Variants in PTPRM observed in about 807,000 individuals in gnomAD.
PTPRM encodes receptor-type tyrosine-protein phosphatase mu.
A neutral mutation model predicts 186.7 loss-of-function variants in PTPRM; 47 were observed. That is an observed-to-expected ratio of 0.25 (90% confidence interval 0.20 to 0.32). The LOEUF (loss-of-function observed/expected upper bound fraction) is 0.32. PTPRM is among the 10% of genes least tolerant of loss of function. The pLI, the probability that PTPRM is intolerant of heterozygous loss-of-function variation, is 1.00. For missense variants in PTPRM, 1,494 were observed against 1,865.0 expected (o/e 0.80, Z 3.66); for synonymous variants, 668 against 674.9 (o/e 0.99, Z 0.16).
At chr18:8,240,820 GAGAGAGAA>G (rs1339921071) in intron 14 of PTPRM, among the ~76,000 whole-genome samples, 582 of 25,432 alleles carry the variant, frequency 0.023, 12 homozygotes, top group Non-Finnish European at 0.031. Context: ...GAGAGAGAGA[GAGAGAGAA>G]AGAAAGAAAG....
intron 11 of PTPRM, among the ~76,000 whole-genome samples, chr18:8,096,390 G>A (rs1334521618): frequency 6.6e-6 from 1 of 152,204 alleles, no homozygotes; most frequent in Non-Finnish European, 1.5e-5. Flanking sequence ...TTGCACATTC[G>A]TGGAGGCGAG....
intron 7 of PTPRM, among the ~76,000 whole-genome samples, chr18:7,981,451 A>G (rs2082545882): frequency 6.6e-6 from 1 of 152,166 alleles, no homozygotes; most frequent in Non-Finnish European, 1.5e-5. Context: ...AATGATCATT[A>G]TCTTTTCCTC....
At chr18:8,348,523 C>T (rs2095517855) in intron 23 of PTPRM, among the ~76,000 whole-genome samples, 1 of 152,248 alleles carries the variant, frequency 6.6e-6, no homozygotes, top group Admixed American at 6.5e-5. Flanking sequence ...GCACACCTGG[C>T]ATTGAAATGG....
chr18:8,292,545 G>A (rs2095053528), intron 19 of PTPRM, among the ~76,000 whole-genome samples: 1 of 152,210 alleles, frequency 6.6e-6, no homozygotes, highest in Admixed American at 6.5e-5. Context: ...TCAGGAGACA[G>A]TGACATTTAT....
chr18:8,274,376 C>T (rs2094809136), intron 19 of PTPRM, among the ~76,000 whole-genome samples: 1 of 152,086 alleles, frequency 6.6e-6, no homozygotes, highest in Non-Finnish European at 1.5e-5. Context: ...AATTTTAATG[C>T]TTTTTTAAAA....
Position 7,905,624 on chromosome 18 carries a change from C to A in PTPRM, c.469-881C>A, listed in dbSNP as rs573719058. ...TTTGTGGCGGTAGGTCCCAATTCTC[C>A]CCTTGAAGGCCATGGTCATGACCAC... On this transcript the variant is annotated intron_variant, in intron 3 of 32. Transcript: ENST00000580170. 5.3e-5 allele frequency among the ~76,000 whole-genome samples: 8 copies of A among 152,226 alleles called. No individual in the cohort carries two copies. In the East Asian group the frequency reaches 1.2e-3, roughly 22 times the overall value.
In PTPRM at chr18:8,070,012, A is replaced by G. The variant is rs775465760; in HGVS notation, c.1441+18A>G. The G allele has an allele frequency of 6.3e-7, 1 of 1,592,568 alleles. No homozygotes were observed. Among genetic ancestry groups the G allele is most frequent in the Non-Finnish European group, 8.6e-7 (1 of 1,166,104 alleles). ...TGAAGACCGTGAGTACCTTTGAATGATATGTTTGTGTAAAACATGTTCTTT... is the reference window on the plus strand; with the variant it reads ...TGAAGACCGTGAGTACCTTTGAATGGTATGTTTGTGTAAAACATGTTCTTT... On this transcript the variant is annotated intron_variant, in intron 8 of 32. Coordinates refer to ENST00000580170, the MANE Select transcript of PTPRM (RefSeq NM_001105244.2).
chr18:8,307,583 C>A (rs538517348), intron 20 of PTPRM, among the ~76,000 whole-genome samples: 1 of 152,282 alleles, frequency 6.6e-6, no homozygotes, highest in Admixed American at 6.5e-5. Context: ...GCAGGCAGAT[C>A]ACCTGAGGAA....
At chr18:8,275,628 T>G (rs1436838453) in intron 19 of PTPRM, among the ~76,000 whole-genome samples, 2 of 152,216 alleles carry the variant, frequency 1.3e-5, no homozygotes, top group Non-Finnish European at 2.9e-5. Flanking sequence ...TATAGGAAAC[T>G]GCGGTTTGCT....
chr18:8,288,895 C>T (rs1379222262), intron 19 of PTPRM, among the ~76,000 whole-genome samples: 2 of 152,150 alleles, frequency 1.3e-5, no homozygotes, highest in African/African-American at 4.8e-5. Flanking sequence ...CAGGAAGCAT[C>T]GCTGTGCAGG....
intron 19 of PTPRM, among the ~76,000 whole-genome samples, chr18:8,254,333 GAATT>G (rs994109509): frequency 6.6e-6 from 1 of 152,218 alleles, no homozygotes; most frequent in Non-Finnish European, 1.5e-5. Context: ...GAATTGAAGA[GAATT>G]AATTGATTGA....
At chr18:8,341,549 G>A (rs970959177) in intron 22 of PTPRM, among the ~76,000 whole-genome samples, 3 of 152,220 alleles carry the variant, frequency 2.0e-5, no homozygotes, top group African/African-American at 7.2e-5. Context: ...GACAAGGGAA[G>A]TGGCTTTGCT....
chr18:7,819,666 C>T (rs191382380), intron 2 of PTPRM, among the ~76,000 whole-genome samples: 59 of 152,334 alleles, frequency 3.9e-4, no homozygotes, highest in African/African-American at 1.2e-3. Flanking sequence ...TCTGTCCTTG[C>T]AGTAAGGCAG....
chr18:7,796,004 T>G (rs1190822338), intron 2 of PTPRM, among the ~76,000 whole-genome samples: 1 of 151,928 alleles, frequency 6.6e-6, no homozygotes, highest in Non-Finnish European at 1.5e-5. Flanking sequence ...GAGACAGAGT[T>G]TCACTATTTT....
At chr18:7,823,505 AG>A (rs1226851174) in intron 2 of PTPRM, among the ~76,000 whole-genome samples, 6 of 152,234 alleles carry the variant, frequency 3.9e-5, no homozygotes, top group Non-Finnish European at 7.4e-5. Context: ...GTGCTGCCAA[AG>A]GAGATTAACA....
At chr18:8,169,609 A>G (rs776916472) in intron 14 of PTPRM, among the ~76,000 whole-genome samples, 2 of 152,180 alleles carry the variant, frequency 1.3e-5, no homozygotes, top group Non-Finnish European at 2.9e-5. Flanking sequence ...CTATTATGAG[A>G]TTCCGTATAA....
intron 14 of PTPRM, among the ~76,000 whole-genome samples, chr18:8,171,834 C>T (rs2093405524): frequency 6.6e-6 from 1 of 152,096 alleles, no homozygotes; most frequent in African/African-American, 2.4e-5. Context: ...CATAGGTTAG[C>T]CTAGCCTCCC....
At chr18:8,162,194 G>T (rs181606188) in intron 14 of PTPRM, among the ~76,000 whole-genome samples, 3 of 151,682 alleles carry the variant, frequency 2.0e-5, no homozygotes, top group Admixed American at 2.0e-4. Flanking sequence ...CTGCCTCCTG[G>T]GTTCAAGCAA....
At chr18:7,906,773 T>G (rs17474862) in intron 4 of PTPRM, among the ~76,000 whole-genome samples, 190 bp downstream of exon 4, 6,497 of 152,312 alleles carry the variant, frequency 0.043, 194 homozygotes, top group Middle Eastern at 0.075. Context: ...ATGGTTTGTA[T>G]AAGTCTTTTA....
Sources: gnomAD v4.1 joint callset for allele counts (sites outside exome capture counted in the v4.1 genomes callset) on GRCh38, gnomAD v4.1.1 for gene constraint, MANE v1.5 for transcripts, NCBI Gene and HGNC (gene_info 2026-07-23, HGNC 2026-07-21) for gene names.